ALX4: variants seen among roughly 807,000 people sequenced by gnomAD.
The protein encoded by ALX4 is ALX homeobox 4.
In ALX4, 22 loss-of-function variants were observed where a neutral mutation model predicts 40.6. That is an observed-to-expected ratio of 0.54 (90% CI 0.39 to 0.77). The LOEUF is 0.77. Among genes scored for constraint, ALX4 ranks in the 30% least tolerant of loss-of-function variants. The pLI is 0.00. For missense variants in ALX4, 556 were observed against 564.8 expected, an observed-to-expected ratio of 0.98 and a Z score of 0.16; for synonymous variants, 266 against 240.5, an observed-to-expected ratio of 1.11 and a Z score of -0.98.
intron 1 of ALX4, among the ~76,000 whole-genome samples, chr11:44,291,397 A>G (rs1956368017): frequency 8.5e-6 from 1 of 117,450 alleles, no homozygotes; most frequent in African/African-American, 3.1e-5. Context: ...TAAACAATTG[A>G]ATTTCTTTCT....
chr11:44,278,396 C>A (rs1565002675), intron 1 of ALX4, among the ~76,000 whole-genome samples: 1 of 152,174 alleles, frequency 6.6e-6, no homozygotes, highest in Non-Finnish European at 1.5e-5. Flanking sequence ...GAGGTAGGGG[C>A]AGAAGGAACC....
chr11:44,303,760 C>T (rs1956449408), intron 1 of ALX4, among the ~76,000 whole-genome samples: 1 of 152,236 alleles, frequency 6.6e-6, no homozygotes, highest in Non-Finnish European at 1.5e-5. Flanking sequence ...GGGGCCGCTG[C>T]CCTTTCCTGG....
Position 44,307,320 on chromosome 11 carries a change from C to T in ALX4, c.466+2277G>A, listed in dbSNP as rs567757665. Among the ~76,000 whole-genome samples the T allele has an allele frequency of 4.6e-5, 7 of 152,346 alleles. No individual in the cohort carries two copies. The South Asian group carries it at 1.4e-3, about 32-fold the overall frequency. On this transcript the variant is annotated intron_variant, in intron 1 of 3. Transcript: ENST00000652299. ...GGAAGGTGTTTGCTGTCAGGTCACACTGCCACGGGTTAGGGGCAGTAGCGG... is the reference window on the plus strand; with the variant it reads ...GGAAGGTGTTTGCTGTCAGGTCACATTGCCACGGGTTAGGGGCAGTAGCGG...
intron 1 of ALX4, among the ~76,000 whole-genome samples, chr11:44,291,205 T>C (rs1956366745): frequency 6.6e-6 from 1 of 152,234 alleles, no homozygotes; most frequent in East Asian, 1.9e-4. Context: ...AAAAATCAAA[T>C]GTTAAATTTA....
intron 1 of ALX4, among the ~76,000 whole-genome samples, chr11:44,304,810 G>A (rs772125823): frequency 1.3e-5 from 2 of 152,182 alleles, no homozygotes; most frequent in African/African-American, 4.8e-5. Context: ...CCGGGACTTC[G>A]CCGAGATTTT....
At chr11:44,272,331 C>G (rs1956252855) in intron 2 of ALX4, among the ~76,000 whole-genome samples, 1 of 151,766 alleles carries the variant, frequency 6.6e-6, no homozygotes, top group African/African-American at 2.4e-5. Flanking sequence ...TGGTGAAACC[C>G]CATCTCTATT....
intron 1 of ALX4, among the ~76,000 whole-genome samples, chr11:44,283,425 A>C (rs897177730): frequency 6.6e-6 from 1 of 152,222 alleles, no homozygotes; most frequent in South Asian, 2.1e-4. Context: ...GTAAGCATTC[A>C]CTAGAGAGAA....
At chr11:44,301,915 G>A (rs1005923332) in intron 1 of ALX4, among the ~76,000 whole-genome samples, 4 of 152,216 alleles carry the variant, frequency 2.6e-5, no homozygotes, top group African/African-American at 9.6e-5. Context: ...CTTGTCAGAC[G>A]GCCTCGCCGC....
intron 2 of ALX4, among the ~76,000 whole-genome samples, chr11:44,275,110 T>C (rs1016242042): frequency 2.6e-5 from 4 of 152,110 alleles, no homozygotes; most frequent in African/African-American, 9.7e-5. Flanking sequence ...CCTCCTTCCT[T>C]TGCAACCCCC....
At chr11:44,275,799 C>G in intron 1 of ALX4, 141 bp from the exon 2 acceptor site, 2 of 754,328 alleles carry the variant, frequency 2.7e-6, no homozygotes, top group Non-Finnish European at 4.2e-6. Flanking sequence ...GGTCCGGAGA[C>G]TTGGCTTCTA....
chr11:44,283,211 C>A (rs2119829854), intron 1 of ALX4, among the ~76,000 whole-genome samples: 1 of 144,126 alleles, frequency 6.9e-6, no homozygotes, highest in African/African-American at 2.6e-5. Context: ...CATGCCATTG[C>A]ACTTTAGCCT....
At chr11:44,274,489 A>ATTGTG (rs916089963) in intron 2 of ALX4, among the ~76,000 whole-genome samples, 9 of 149,510 alleles carry the variant, frequency 6.0e-5, no homozygotes, top group Non-Finnish European at 1.3e-4. Context: ...GTCAGGTTCC[A>ATTGTG]TTGTGTTGTG....
chr11:44,280,944 T>A (rs1264484311), intron 1 of ALX4, among the ~76,000 whole-genome samples: 1 of 152,230 alleles, frequency 6.6e-6, no homozygotes, highest in East Asian at 1.9e-4. Context: ...CCCCTGGCTG[T>A]TGGATTTCAG....
intron 1 of ALX4, among the ~76,000 whole-genome samples, chr11:44,294,827 CCTATTTAT>C (rs1157901121): frequency 1.2e-3 from 114 of 96,568 alleles, no homozygotes; most frequent in Middle Eastern, 4.3e-3. Context: ...AAGATCCTTA[CCTATTTAT>C]TTATTTATTT....
At chr11:44,287,689 C>T (rs557027964) in intron 1 of ALX4, among the ~76,000 whole-genome samples, 113 of 152,038 alleles carry the variant, frequency 7.4e-4, no homozygotes, top group African/African-American at 2.4e-3. Flanking sequence ...CCTACTGGGC[C>T]CTCCTGGGGT....
In ALX4 at chr11:44,260,937, C is replaced by G. The variant is rs1273518267; in HGVS notation, c.*3917G>C. 5 of 152,124 alleles carry G rather than the reference C, an allele frequency of 3.3e-5. No individual in the cohort carries two copies. Among genetic ancestry groups the G allele is most frequent in the Admixed American group, 1.3e-4 (2 of 15,266 alleles). The allele number at this position is 152,124 out of a possible 1,614,324, so 9.4% of individuals were successfully genotyped here. A position where few individuals can be genotyped will look rare whatever the true frequency, so the allele number is the denominator to read the frequency against. On this transcript the variant is annotated 3_prime_UTR_variant, in exon 4 of 4. Transcript: ENST00000652299. Reference sequence around the variant, plus strand: ...TAAACAGATGATTAGACATTGAAAACTGTCCTTCAAAATCAGTAGTATAAA... The same window carrying G: ...TAAACAGATGATTAGACATTGAAAAGTGTCCTTCAAAATCAGTAGTATAAA...
At chr11:44,265,678 G>A (rs1378026128) in intron 3 of ALX4, among the ~76,000 whole-genome samples, 1 of 152,166 alleles carries the variant, frequency 6.6e-6, no homozygotes, top group Non-Finnish European at 1.5e-5. Flanking sequence ...GTTGGGTGAG[G>A]TGGGCGGCAG....
At chr11:44,290,141 G>A (rs371653084) in intron 1 of ALX4, among the ~76,000 whole-genome samples, 51 of 152,298 alleles carry the variant, frequency 3.3e-4, no homozygotes, top group East Asian at 2.5e-3. Flanking sequence ...GGCCCTGGGC[G>A]TGTCCCAAGA....
chr11:44,301,836 A>G lies in ALX4; in HGVS notation c.466+7761T>C, dbSNP rs74335116. ...TAAATGGGGTCAGCAGTGGGCACAG[A>G]CAGTGCCAAGGACACGTCTCTTCCG... On this transcript the variant is annotated intron_variant, in intron 1 of 3. Transcript: ENST00000652299. Among the ~76,000 whole-genome samples, 747 of 152,310 alleles carry G rather than the reference A, an allele frequency of 4.9e-3. 7 individuals are homozygous for G. The highest frequency in any genetic ancestry group is 0.017 in the African/African-American group (725 of 41,570).
Sources: gnomAD v4.1 joint callset for allele counts (sites outside exome capture counted in the v4.1 genomes callset) on GRCh38, gnomAD v4.1.1 for gene constraint, MANE v1.5 for transcripts, NCBI Gene and HGNC (gene_info 2026-07-23, HGNC 2026-07-21) for gene names.